ATXN1: variants seen among roughly 807,000 people sequenced by gnomAD.
ATXN1 encodes ataxin-1.
Under a neutral mutation model 56.4 loss-of-function variants are expected in ATXN1, and 8 were observed. The observed-to-expected ratio is 0.14, with a 90% CI of 0.08 to 0.26. The LOEUF (loss-of-function observed/expected upper bound fraction) is 0.26, where lower values mean the gene tolerates loss of function less well. Among genes scored for constraint, ATXN1 ranks in the 10% least tolerant of loss-of-function variants. The pLI is 1.00. For missense variants in ATXN1, 987 were observed against 1,106.5 expected (o/e 0.89, Z 1.53); for synonymous variants, 514 against 494.6 (o/e 1.04, Z -0.52).
At chr6:16,394,985 A>G (rs1261598246) in intron 6 of ATXN1, among the ~76,000 whole-genome samples, 2 of 152,220 alleles carry the variant, frequency 1.3e-5, no homozygotes, top group African/African-American at 4.8e-5. Flanking sequence ...GCCAATGTTA[A>G]AAATTAACTT....
At chr6:16,465,897 T>A (rs753719936) in intron 6 of ATXN1, among the ~76,000 whole-genome samples, 14 of 152,190 alleles carry the variant, frequency 9.2e-5, no homozygotes, top group Non-Finnish European at 1.3e-4. Flanking sequence ...GGTGAGGTCA[T>A]GAGTCCTTGC....
At chr6:16,616,831 T>C (rs1474845162) in intron 3 of ATXN1, among the ~76,000 whole-genome samples, 1 of 151,262 alleles carries the variant, frequency 6.6e-6, no homozygotes, top group Non-Finnish European at 1.5e-5. Context: ...CGGTTTTGCT[T>C]TCCATGGTTT....
intron 6 of ATXN1, among the ~76,000 whole-genome samples, chr6:16,356,202 C>T (rs1761685805): frequency 6.6e-6 from 1 of 152,202 alleles, no homozygotes; most frequent in Non-Finnish European, 1.5e-5. Flanking sequence ...CCTACATTTC[C>T]TGCCCACGGC....
In ATXN1 at chr6:16,716,460, A is replaced by G. The variant is rs576319108; in HGVS notation, c.-615+36773T>C. On this transcript the variant is annotated intron_variant, in intron 2 of 7. Coordinates refer to ENST00000436367, the MANE Select transcript of ATXN1 (RefSeq NM_001128164.2). ...ACTAGGAACTGGAAGATCTGAGCTC[A>G]GGTCCTGGCTTTCCTATGAACCAGC... is the stretch of plus-strand genomic sequence containing the variant. 1.3e-3 allele frequency among the ~76,000 whole-genome samples: 196 copies of G among 152,358 alleles called. 1 individual carries two copies. Among genetic ancestry groups the G allele is most frequent in the African/African-American group, 4.5e-3 (189 of 41,588 alleles).
intron 1 of ATXN1, among the ~76,000 whole-genome samples, chr6:16,754,383 G>A (rs988283227): frequency 2.0e-5 from 3 of 152,162 alleles, no homozygotes; most frequent in Admixed American, 1.3e-4. Context: ...GTAGGAAGAA[G>A]GAGGCCCAGG....
chr6:16,690,255 C>T (rs747998176), intron 2 of ATXN1, among the ~76,000 whole-genome samples: 52 of 151,806 alleles, frequency 3.4e-4, no homozygotes, highest in Non-Finnish European at 5.4e-4. Context: ...GATTGGGTAG[C>T]CTCAAAGAGG....
intron 4 of ATXN1, among the ~76,000 whole-genome samples, chr6:16,549,896 CAAA>C (rs66603893): frequency 1.5e-5 from 1 of 66,784 alleles, no homozygotes; most frequent in Non-Finnish European, 2.7e-5. Flanking sequence ...AACTCTGTCT[CAAA>C]AAAAAAAAAA....
intron 2 of ATXN1, among the ~76,000 whole-genome samples, chr6:16,708,279 A>T (rs554706659): frequency 1.3e-5 from 2 of 152,216 alleles, no homozygotes; most frequent in African/African-American, 4.8e-5. Flanking sequence ...GTCAACATAC[A>T]TGCATCTAAC....
chr6:16,743,357 T>G (rs2113514430), intron 2 of ATXN1, among the ~76,000 whole-genome samples: 1 of 152,352 alleles, frequency 6.6e-6, no homozygotes, highest in South Asian at 2.1e-4. Context: ...TTTCACTCAC[T>G]GTGTGATGGA....
At chr6:16,713,357 T>TA (rs1283155113) in intron 2 of ATXN1, among the ~76,000 whole-genome samples, 1 of 152,200 alleles carries the variant, frequency 6.6e-6, no homozygotes, top group Non-Finnish European at 1.5e-5. Context: ...ACTGAATTTT[T>TA]AAAAAGGAGA....
intron 6 of ATXN1, among the ~76,000 whole-genome samples, chr6:16,353,435 G>A (rs1417533256): frequency 6.6e-6 from 1 of 152,176 alleles, no homozygotes; most frequent in Non-Finnish European, 1.5e-5. Context: ...AGCACTTTGG[G>A]AGGCTGAGGT....
At chr6:16,554,293 A>C (rs1256408725) in intron 4 of ATXN1, among the ~76,000 whole-genome samples, 7 of 152,240 alleles carry the variant, frequency 4.6e-5, no homozygotes, top group Non-Finnish European at 1.0e-4. Flanking sequence ...TTCCCTAAAA[A>C]TCTACTATGC....
At position 16,327,534 on chromosome 6, in the gene ATXN1, G is replaced by A. The variant is rs1760846127; in HGVS notation, c.777C>T (p.Arg259=). The change falls in exon 7 of 8, where the codon CGC becomes CGT. Residue 259 remains arginine (R), a synonymous_variant. Coordinates refer to ENST00000436367, the MANE Select transcript of ATXN1 (RefSeq NM_001128164.2). ...CGGGGATGGCCGGAGGAGAGGCGGT[G>A]CGGCCGGTGTTCTGCGGAGAACTGG... ...HISSSPQNTG[R]TASPPAIPVH... The A allele has an allele frequency of 3.7e-6, 6 of 1,610,676 alleles. No homozygotes were observed. Among genetic ancestry groups the A allele is most frequent in the Non-Finnish European group, 5.1e-6 (6 of 1,178,844 alleles).
chr6:16,459,272 C>T (rs1260695175), intron 6 of ATXN1, among the ~76,000 whole-genome samples: 1 of 152,144 alleles, frequency 6.6e-6, no homozygotes, highest in Non-Finnish European at 1.5e-5. Flanking sequence ...ATTGGAAGGA[C>T]AATTCGGAAA....
intron 6 of ATXN1, among the ~76,000 whole-genome samples, chr6:16,420,540 A>G (rs530423684): frequency 1.3e-5 from 2 of 152,348 alleles, no homozygotes; most frequent in South Asian, 4.1e-4. Flanking sequence ...ATAGAGGCAG[A>G]TGTATATAAA....
chr6:16,346,296 C>T (rs187732554), intron 6 of ATXN1, among the ~76,000 whole-genome samples: 1 of 152,224 alleles, frequency 6.6e-6, no homozygotes, highest in African/African-American at 2.4e-5. Flanking sequence ...TCAGGTGATC[C>T]GCCCATCTCG....
At chr6:16,569,542 A>C (rs1370948157) in intron 4 of ATXN1, among the ~76,000 whole-genome samples, 1 of 150,404 alleles carries the variant, frequency 6.6e-6, no homozygotes, top group Non-Finnish European at 1.5e-5. Flanking sequence ...AAAAAAAAAA[A>C]AAAACAGTTC....
chr6:16,506,647 T>C lies in ATXN1; in HGVS notation c.-299+15980A>G, dbSNP rs1362666116. Among the ~76,000 whole-genome samples, 1 of 152,208 alleles carries C rather than the reference T, an allele frequency of 6.6e-6. No homozygotes were observed. Among genetic ancestry groups the C allele is most frequent in the Non-Finnish European group, 1.5e-5 (1 of 68,034 alleles). The stretch of plus-strand genomic sequence containing the variant: ...TGATGAGTTAATGTTGGTAAATCAC[T>C]CTGCAATTCCCAGGTCAAAGATGTG... On this transcript the variant is annotated intron_variant, in intron 5 of 7. Transcript: ENST00000436367. This position sits in a 1 kb window ranked among gnomAD's most constrained non-coding sequence, Gnocchi z 4.1.
Position 16,372,930 on chromosome 6 carries a change from TAAATAAAC to T in ATXN1, c.-160-44468_-160-44461del, listed in dbSNP as rs571227005. ...CACTGTATCAAAATAAATAAATAAATAAATAAACAAACAAACAAACAAACAAACAAACA... is the reference window on the plus strand; with the variant it reads ...CACTGTATCAAAATAAATAAATAAATAAACAAACAAACAAACAAACAAACA... On this transcript the variant is annotated intron_variant, in intron 6 of 7. Coordinates refer to ENST00000436367, the MANE Select transcript of ATXN1 (RefSeq NM_001128164.2). Among the ~76,000 whole-genome samples, 1,208 of 144,366 alleles carry T rather than the reference TAAATAAAC, an allele frequency of 8.4e-3. 25 individuals are homozygous for T. Among genetic ancestry groups the T allele is most frequent in the South Asian group, 0.022 (103 of 4,620 alleles). The allele number at this position is 144,366 out of a possible 152,430, so 94.7% of individuals were successfully genotyped here.
Sources: gnomAD v4.1 joint callset for allele counts (sites outside exome capture counted in the v4.1 genomes callset) on GRCh38, gnomAD v4.1.1 for gene constraint, Gnocchi (gnomAD v3.1) non-coding constraint, MANE v1.5 for transcripts, NCBI Gene and HGNC (gene_info 2026-07-23, HGNC 2026-07-21) for gene names.